CATSPERE: variants seen among roughly 807,000 people sequenced by gnomAD.
CATSPERE encodes the protein catsper channel auxiliary subunit epsilon.
In CATSPERE, 93 loss-of-function variants were observed where a neutral mutation model predicts 114.1. The observed-to-expected ratio is 0.81, with a 90% CI of 0.69 to 0.97. The LOEUF (loss-of-function observed/expected upper bound fraction) is 0.97, where lower values mean the gene tolerates loss of function less well. Among genes scored for constraint, CATSPERE ranks in the 50% least tolerant of loss-of-function variants. The probability of loss-of-function intolerance (pLI) is 0.00; values close to 1 mark genes in which losing one functional copy is unlikely to be tolerated. For missense variants in CATSPERE, 1,058 were observed against 1,131.6 expected (o/e 0.93, Z 0.93); for synonymous variants, 341 against 384.1 (o/e 0.89, Z 1.31).
intron 10 of CATSPERE, among the ~76,000 whole-genome samples, chr1:244,567,401 A>C (rs1663760093): frequency 6.6e-6 from 1 of 152,232 alleles, no homozygotes; most frequent in Middle Eastern, 3.4e-3. Context: ...CTGTCTTGTT[A>C]GGTTGGGGAA....
In CATSPERE at chr1:244,518,190, T is replaced by C. The variant is rs186146827; in HGVS notation, c.430-402T>C. Among the ~76,000 whole-genome samples the C allele has an allele frequency of 3.9e-5, 6 of 152,314 alleles. 1 individual carries two copies. Among genetic ancestry groups the C allele is most frequent in the African/African-American group, 1.4e-4 (6 of 41,562 alleles). ...TTTCCTTAAAGCCCCCAGGTATCGT[T>C]TGAAACCTACCTTGAAAGAGTATGT... is the stretch of plus-strand genomic sequence containing the variant. On this transcript the variant is annotated intron_variant, in intron 7 of 21. Transcript: ENST00000366534.
intron 17 of CATSPERE, among the ~76,000 whole-genome samples, chr1:244,596,715 T>G (rs1668479591): frequency 6.6e-6 from 1 of 151,108 alleles, no homozygotes; most frequent in African/African-American, 2.4e-5. Context: ...CCATGGCACA[T>G]GTATACCTAT....
intron 8 of CATSPERE, 32 bp downstream of exon 8, chr1:244,518,730 A>G (rs1259240837): frequency 8.6e-7 from 1 of 1,164,846 alleles, no homozygotes; most frequent in Admixed American, 2.4e-5. Flanking sequence ...TAAATATAGA[A>G]ATATGAAAAC....
intron 7 of CATSPERE, among the ~76,000 whole-genome samples, chr1:244,513,558 G>A (rs1337036504): frequency 1.3e-5 from 2 of 152,144 alleles, no homozygotes; most frequent in African/African-American, 4.8e-5. Flanking sequence ...TGATGCATGC[G>A]GGCACTGGTG....
At chr1:244,582,949 A>G (rs1281734392) in intron 12 of CATSPERE, among the ~76,000 whole-genome samples, 1 of 4,812 alleles carries the variant, frequency 2.1e-4, no homozygotes, top group Non-Finnish European at 9.6e-4. Context: ...ATATATATAT[A>G]TATATATATA....
At chr1:244,462,417 AG>A (rs1418647139) in intron 1 of CATSPERE, among the ~76,000 whole-genome samples, 1 of 152,192 alleles carries the variant, frequency 6.6e-6, no homozygotes, top group Non-Finnish European at 1.5e-5. Flanking sequence ...TTCTCTCCCT[AG>A]CCTATCCTTA....
At chr1:244,595,595 G>A (rs1196535358) in intron 17 of CATSPERE, among the ~76,000 whole-genome samples, 3 of 152,202 alleles carry the variant, frequency 2.0e-5, no homozygotes, top group African/African-American at 2.4e-5. Flanking sequence ...TCCACACCAC[G>A]GAAGGCCTTC....
At chr1:244,588,584 A>G in intron 14 of CATSPERE, 50 bp downstream of exon 14, 8 of 1,362,582 alleles carry the variant, frequency 5.9e-6, no homozygotes, top group Non-Finnish European at 8.4e-6. Flanking sequence ...TTTAAAACAA[A>G]TGGTAAACTA....
intron 2 of CATSPERE, among the ~76,000 whole-genome samples, chr1:244,467,060 C>T (rs1399090848): frequency 6.6e-6 from 1 of 152,164 alleles, no homozygotes; most frequent in Non-Finnish European, 1.5e-5. Context: ...GCTGAGAATA[C>T]AATACACAAC....
rs1182728222 is a variant in CATSPERE, at chr1:244,621,089, A to ATATAT, written c.2648+3407_2648+3408insTTATA. Among the ~76,000 whole-genome samples the ATATAT allele has an allele frequency of 4.8e-4, 34 of 71,082 alleles. 1 individual carries two copies. Among genetic ancestry groups the ATATAT allele is most frequent in the African/African-American group, 7.5e-4 (14 of 18,578 alleles). 46.6% of individuals were successfully genotyped at this position (71,082 alleles called of 152,430 possible). The stretch of plus-strand genomic sequence containing the variant: ...ATATATAAAATATATATATAAATAT[A>ATATAT]TATAAAATATATATAAATATATATA... On this transcript the variant is annotated intron_variant, in intron 20 of 21. Transcript: ENST00000366534.
Position 244,499,073 on chromosome 1 carries a change from T to C in CATSPERE, c.423T>C (p.Pro141=), listed in dbSNP as rs1311440405. ...AGTTGCTGGGGAATGCAGAAGAACC[T>C]TCAATAGTAGGTGGAAACATTAGTA... ...PDELLGNAEE[P]SINSIVLSTQ... is the part of the protein sequence containing the mutation. Residue 141 remains proline (P), a synonymous_variant, in exon 7 of 22, where the codon CCT becomes CCC. Coordinates refer to ENST00000366534, the MANE Select transcript of CATSPERE (RefSeq NM_001130957.2). 1.2e-6 allele frequency: 2 copies of C among 1,607,170 alleles called. No homozygotes were observed. Among genetic ancestry groups the C allele is most frequent in the Admixed American group, 1.7e-5 (1 of 59,998 alleles).
At position 244,484,750 on chromosome 1, in the gene CATSPERE, A is replaced by G. The variant is rs1670736655; in HGVS notation, c.326+4966A>G. 5.3e-5 allele frequency among the ~76,000 whole-genome samples: 8 copies of G among 152,202 alleles called. 1 individual carries two copies. Among genetic ancestry groups the G allele is most frequent in the Admixed American group, 5.2e-4 (8 of 15,284 alleles). ...CATTTCTTTGCTCAACAATGCTTATATTCTCAGACATGTTTTCTCATATTA... is the reference window on the plus strand; with the variant it reads ...CATTTCTTTGCTCAACAATGCTTATGTTCTCAGACATGTTTTCTCATATTA... On this transcript the variant is annotated intron_variant, in intron 5 of 21. Transcript: ENST00000366534.
chr1:244,590,376 C>G (rs377612526), intron 14 of CATSPERE, among the ~76,000 whole-genome samples: 9 of 152,210 alleles, frequency 5.9e-5, no homozygotes, highest in Admixed American at 1.3e-4. Context: ...GATAGATTTT[C>G]TATGAGTTTT....
intron 7 of CATSPERE, among the ~76,000 whole-genome samples, chr1:244,515,618 C>T (rs978580717): frequency 5.3e-5 from 8 of 152,074 alleles, no homozygotes; most frequent in African/African-American, 1.9e-4. Context: ...GGGCCTAAGG[C>T]CAGACCCTGG....
At chr1:244,456,297 G>A (rs560871122), upstream of CATSPERE, among the ~76,000 whole-genome samples, 78 of 152,014 alleles carry the variant, frequency 5.1e-4, no homozygotes, top group African/African-American at 1.9e-3. Context: ...CTGCTTGTTT[G>A]GCCCTAGAAA....
intron 8 of CATSPERE, among the ~76,000 whole-genome samples, chr1:244,541,286 C>T (rs1218768617): frequency 3.3e-5 from 5 of 149,478 alleles, no homozygotes; most frequent in Non-Finnish European, 7.5e-5. Context: ...CCAGAATCTA[C>T]AATGAACTCA....
At chr1:244,475,387 C>G (rs957210838) in intron 2 of CATSPERE, among the ~76,000 whole-genome samples, 1 of 151,804 alleles carries the variant, frequency 6.6e-6, no homozygotes, top group East Asian at 1.9e-4. Context: ...GTATGTGCCA[C>G]CATGCCTGGG....
At position 244,560,880 on chromosome 1, in the gene CATSPERE, C is replaced by A. The variant is rs1409251054; in HGVS notation, c.1242C>A (p.Asn414Lys). The A allele has an allele frequency of 1.9e-6, 3 of 1,613,996 alleles. No individual in the cohort carries two copies. The highest frequency in any genetic ancestry group is 3.3e-5 in the Admixed American group (2 of 60,004). ...TTTTAAATTATTGCACTGTATGTAA[C>A]GTCACCAAAAAGATTTTCTTAGTGA... ...AVFLNYCTVCNVTKKIFLVIY... is the reference protein window; with the variant it reads ...AVFLNYCTVCKVTKKIFLVIY... Residue 414 changes from asparagine to lysine, a missense_variant, in exon 10 of 22, where the codon AAC becomes AAA. Coordinates refer to ENST00000366534, the MANE Select transcript of CATSPERE (RefSeq NM_001130957.2).
chr1:244,536,414 G>T (rs1264607340), intron 8 of CATSPERE, among the ~76,000 whole-genome samples: 1 of 152,148 alleles, frequency 6.6e-6, no homozygotes, highest in African/African-American at 2.4e-5. Context: ...TGATGGCAAG[G>T]TCTGCCAAAA....
Sources: allele counts gnomAD v4.1 joint callset (sites outside exome capture counted in the v4.1 genomes callset), GRCh38; gene constraint gnomAD v4.1.1; transcripts MANE v1.5; gene names NCBI Gene and HGNC (gene_info 2026-07-23, HGNC 2026-07-21).